ELF1: variants seen among roughly 807,000 people sequenced by gnomAD.
The protein encoded by ELF1 is E74 like ETS transcription factor 1.
ELF1 carries 24 observed loss-of-function variants against 59.9 expected under a neutral mutation model. The ratio of observed to expected loss-of-function variants is 0.40; its 90% CI spans 0.29 to 0.56. ELF1 has a LOEUF of 0.56. ELF1 is among the 20% of genes least tolerant of loss of function. The pLI is 0.44. For missense variants in ELF1, 627 were observed against 742.2 expected (o/e 0.84, Z 1.80); for synonymous variants, 248 against 266.2 (o/e 0.93, Z 0.67).
At chr13:40,955,554 GTCAGCCCCCCACCCGGCCAGCCGCCCC>G (rs1871275636) in intron 3 of ELF1, among the ~76,000 whole-genome samples, 1 of 76,474 alleles carries the variant, frequency 1.3e-5, no homozygotes, top group Admixed American at 1.1e-4. Flanking sequence ...AGGTGGGGGG[GTCAGCCCCCCACCCGGCCAGCCGCCCC>G]GTCCGGGAGG....
intron 3 of ELF1, among the ~76,000 whole-genome samples, chr13:40,958,202 A>C (rs1871575087): frequency 6.6e-6 from 1 of 152,252 alleles, no homozygotes; most frequent in African/African-American, 2.4e-5. Context: ...TATGTAGCCT[A>C]ATCTTCAAGT....
intron 1 of ELF1, among the ~76,000 whole-genome samples, chr13:41,046,469 G>A (rs1472034819): frequency 1.3e-5 from 2 of 152,178 alleles, no homozygotes; most frequent in East Asian, 1.9e-4. Context: ...AGCTCTTGCA[G>A]CGCAGGCCTG....
At position 40,941,026 on chromosome 13, in the gene ELF1, C is replaced by T. The variant is rs147423556; in HGVS notation, c.1151G>A (p.Arg384Gln). The change falls in exon 8 of 9, where the codon CGG (arginine) becomes CAG (glutamine). Residue 384 changes from arginine (R) to glutamine (Q), a missense_variant. Transcript: ENST00000239882. ...TQSPYPTQLF[R>Q]TVHVVQPVQA... ...TACTGGCTGTACTACATGAACAGTCCGGAAGAGCTGGGTAGGATATGGAGA... is the reference window on the plus strand; with the variant it reads ...TACTGGCTGTACTACATGAACAGTCTGGAAGAGCTGGGTAGGATATGGAGA... The T allele has an allele frequency of 1.2e-3, 1,872 of 1,614,152 alleles. 2 individuals are homozygous for T. The highest frequency in any genetic ancestry group is 1.5e-3 in the Non-Finnish European group (1,741 of 1,180,032).
At position 40,986,560 on chromosome 13, in the gene ELF1, T is replaced by C. The variant is rs1873556083; in HGVS notation, c.-228-4278A>G. Among the ~76,000 whole-genome samples, 2 of 152,248 alleles carry C rather than the reference T, an allele frequency of 1.3e-5. 1 individual carries two copies. The highest frequency in any genetic ancestry group is 4.1e-4 in the South Asian group (2 of 4,832). On this transcript the variant is annotated intron_variant, in intron 1 of 8. Transcript: ENST00000239882. ...GCTAGACTCCAGAAAAAGAACATTA[T>C]AGCCCATTGTCAACAAAACTGTAAT...
chr13:41,041,850 G>C (rs1566197908), intron 1 of ELF1, among the ~76,000 whole-genome samples: 1 of 152,054 alleles, frequency 6.6e-6, no homozygotes, highest in Non-Finnish European at 1.5e-5. Flanking sequence ...TCAGAAGTTA[G>C]TATAGTAACA....
chr13:40,961,279 G>A (rs898447674), intron 2 of ELF1, among the ~76,000 whole-genome samples: 23 of 152,248 alleles, frequency 1.5e-4, no homozygotes, highest in South Asian at 4.1e-4. Flanking sequence ...CATTTGGATC[G>A]TTTTATTTCA....
chr13:40,968,589 C>A (rs1200548728), intron 2 of ELF1, among the ~76,000 whole-genome samples: 2 of 152,076 alleles, frequency 1.3e-5, no homozygotes, highest in African/African-American at 4.8e-5. Context: ...ATTTCCAAAG[C>A]CCAGTACAAA....
intron 1 of ELF1, among the ~76,000 whole-genome samples, chr13:41,055,946 A>T (rs1261018901): frequency 2.6e-5 from 4 of 152,184 alleles, no homozygotes; most frequent in African/African-American, 9.7e-5. Flanking sequence ...TGATAAATGT[A>T]AAATCAAGAG....
intron 1 of ELF1, among the ~76,000 whole-genome samples, chr13:41,053,065 T>C (rs1877146857): frequency 6.6e-6 from 1 of 152,000 alleles, no homozygotes; most frequent in Non-Finnish European, 1.5e-5. Context: ...ATTTAAATAA[T>C]TAAAATCACC....
intron 3 of ELF1, among the ~76,000 whole-genome samples, chr13:40,954,736 G>A (rs1041420598): frequency 6.6e-5 from 10 of 150,678 alleles, no homozygotes; most frequent in East Asian, 1.9e-4. Flanking sequence ...AGACGGAGTC[G>A]CGTTCACTCA....
At chr13:41,050,182 C>A (rs1877028451) in intron 1 of ELF1, among the ~76,000 whole-genome samples, 1 of 152,028 alleles carries the variant, frequency 6.6e-6, no homozygotes, top group African/African-American at 2.4e-5. Context: ...TCTCCCTTAC[C>A]CCCAGTTCCT....
chr13:40,991,910 T>A (rs1387163775), intron 1 of ELF1, among the ~76,000 whole-genome samples: 1 of 152,210 alleles, frequency 6.6e-6, no homozygotes, highest in African/African-American at 2.4e-5. Flanking sequence ...TGATTTGGGA[T>A]CACATTATTG....
Position 40,943,159 on chromosome 13 carries a change from A to C in ELF1, c.614-15T>G, listed in dbSNP as rs7988322. 2,523 of 1,498,116 alleles carry C rather than the reference A, an allele frequency of 1.7e-3. 31 individuals carry two copies. In the African/African-American group the frequency reaches 0.031, roughly 18 times the overall value. The allele number at this position is 1,498,116 out of a possible 1,614,324, so 92.8% of individuals were successfully genotyped here. A position where few individuals can be genotyped will look rare whatever the true frequency, so the allele number is the denominator to read the frequency against. On this transcript the variant is annotated splice_polypyrimidine_tract_variant and intron_variant, in intron 6 of 8. Transcript: ENST00000239882. ...AATTGTGTTTCCTGAAACAAAAACA[A>C]TTTCTTTCTAAATGACCAAAATTTC...
At chr13:40,980,168 C>A (rs1873170251) in intron 2 of ELF1, among the ~76,000 whole-genome samples, 1 of 152,110 alleles carries the variant, frequency 6.6e-6, no homozygotes, top group African/African-American at 2.4e-5. Context: ...ATATATAAAA[C>A]ATCATTAGTG....
upstream of ELF1, chr13:41,019,399 G>C (rs1035578057): frequency 2.0e-6 from 2 of 985,208 alleles, no homozygotes; most frequent in Admixed American, 6.2e-5. Context: ...TGTTGCTGTG[G>C]ACCCAATTAT....
At chr13:40,959,144 A>C in intron 2 of ELF1, 128 bp from the exon 3 acceptor site, 1 of 1,298,154 alleles carries the variant, frequency 7.7e-7, no homozygotes, top group Non-Finnish European at 1.0e-6. Context: ...CTGTATCTCT[A>C]TAATCTTTCT....
intron 1 of ELF1, among the ~76,000 whole-genome samples, chr13:41,031,478 G>A (rs1156905945): frequency 6.6e-6 from 1 of 152,062 alleles, no homozygotes; most frequent in African/African-American, 2.4e-5. Flanking sequence ...TCTCAGAATA[G>A]TATCTACAGA....
intron 1 of ELF1, among the ~76,000 whole-genome samples, chr13:41,030,997 C>T (rs1051791999): frequency 2.0e-5 from 3 of 146,532 alleles, no homozygotes; most frequent in Non-Finnish European, 4.5e-5. Flanking sequence ...CCCATTTCTA[C>T]AAAAAAATAA....
At chr13:41,048,045 C>T (rs1299475620) in intron 1 of ELF1, among the ~76,000 whole-genome samples, 5 of 152,186 alleles carry the variant, frequency 3.3e-5, no homozygotes, top group East Asian at 3.9e-4. Flanking sequence ...TAGCAATGAG[C>T]GAGGGTCTGT....
Sources: allele counts gnomAD v4.1 joint callset (sites outside exome capture counted in the v4.1 genomes callset), GRCh38; gene constraint gnomAD v4.1.1; transcripts MANE v1.5; gene names NCBI Gene and HGNC (gene_info 2026-07-23, HGNC 2026-07-21).